The following PPM1H variants were observed in gnomAD, a reference collection of about 807,000 sequenced individuals.
PPM1H encodes the protein protein phosphatase, Mg2+/Mn2+ dependent 1H, also known as protein phosphatase 1H.
PPM1H carries 27 observed loss-of-function variants against 54.9 expected under a neutral mutation model. That is an observed-to-expected ratio of 0.49 (90% CI 0.36 to 0.68). The LOEUF (loss-of-function observed/expected upper bound fraction) is 0.68. Among genes scored for constraint, PPM1H ranks in the 30% least tolerant of loss-of-function variants. The probability of loss-of-function intolerance (pLI) is 0.00; values close to 1 mark genes in which losing one functional copy is unlikely to be tolerated. For synonymous variants in PPM1H, 305 were observed against 270.8 expected (o/e 1.13, Z -1.24); for missense variants, 596 against 667.8 (o/e 0.89, Z 1.19).
At chr12:62,674,683 G>A (rs1049278188) in intron 8 of PPM1H, among the ~76,000 whole-genome samples, 1 of 152,236 alleles carries the variant, frequency 6.6e-6, no homozygotes, top group African/African-American at 2.4e-5. Context: ...AAAGCTTACA[G>A]ACCATCTGCT....
At chr12:62,719,237 G>A (rs1286110871) in intron 6 of PPM1H, among the ~76,000 whole-genome samples, 4 of 152,180 alleles carry the variant, frequency 2.6e-5, no homozygotes, top group Non-Finnish European at 5.9e-5. Context: ...CATCACCATG[G>A]GAATTTGGGC....
At chr12:62,813,696 A>G (rs550019077) in intron 2 of PPM1H, among the ~76,000 whole-genome samples, 2 of 152,190 alleles carry the variant, frequency 1.3e-5, no homozygotes, top group Non-Finnish European at 2.9e-5. Flanking sequence ...TCTGACAATC[A>G]TCATCATCAT....
chr12:62,907,370 G>T (rs1871330847), intron 1 of PPM1H, among the ~76,000 whole-genome samples: 1 of 152,166 alleles, frequency 6.6e-6, no homozygotes, highest in South Asian at 2.1e-4. Flanking sequence ...GAGTTCTGCA[G>T]AAATGAGCAA....
At chr12:62,691,952 C>T (rs1362949850) in intron 7 of PPM1H, among the ~76,000 whole-genome samples, 1 of 152,194 alleles carries the variant, frequency 6.6e-6, no homozygotes, top group Non-Finnish European at 1.5e-5. Flanking sequence ...TCCTGCTCTC[C>T]TCCCTGAAAT....
At chr12:62,773,633 T>C (rs2076591688) in intron 4 of PPM1H, among the ~76,000 whole-genome samples, 2 of 152,204 alleles carry the variant, frequency 1.3e-5, no homozygotes, top group South Asian at 4.1e-4. Context: ...TCAACTCATT[T>C]CTTGAAGGGT....
intron 9 of PPM1H, among the ~76,000 whole-genome samples, chr12:62,660,321 C>T (rs2075876152): frequency 6.6e-6 from 1 of 152,014 alleles, no homozygotes; most frequent in Admixed American, 6.5e-5. Flanking sequence ...AGTTTGACAA[C>T]AGAAATAGAA....
Position 62,747,715 on chromosome 12 carries a change from C to T in PPM1H, c.870-10129G>A, listed in dbSNP as rs1047004322. ...CCCTCTCAAGGTAAAAACCTTTTGT[C>T]TTAAAACCAGACAAAATCCCAAAAT... On this transcript the variant is annotated intron_variant, in intron 4 of 9. Coordinates refer to ENST00000228705, the MANE Select transcript of PPM1H (RefSeq NM_020700.2). Among the ~76,000 whole-genome samples the T allele has an allele frequency of 4.6e-5, 7 of 152,328 alleles. No homozygotes were observed. In the South Asian group the frequency reaches 8.3e-4, roughly 18 times the overall value.
In PPM1H at chr12:62,646,904, A is replaced by AAAC. The variant is rs1388455412; in HGVS notation, c.*1582_*1584dup. 1 of 152,218 alleles carries AAAC rather than the reference A, an allele frequency of 6.6e-6. No homozygotes were observed. Among genetic ancestry groups the AAAC allele is most frequent in the Non-Finnish European group, 1.5e-5 (1 of 68,040 alleles). 9.4% of individuals were successfully genotyped at this position (152,218 alleles called of 1,614,324 possible). On this transcript the variant is annotated 3_prime_UTR_variant, in exon 10 of 10. Transcript: ENST00000228705. ...TATCCTCTCCTCTGGGAAGAAATTC[A>AAAC]AACAAATATGAGAACTGGAATTAGC... is the stretch of plus-strand genomic sequence containing the variant.
chr12:62,650,712 C>T (rs772565001), intron 9 of PPM1H, among the ~76,000 whole-genome samples: 6 of 151,856 alleles, frequency 4.0e-5, no homozygotes, highest in Middle Eastern at 3.4e-3. Context: ...TCTTACATGG[C>T]AGCGGGAGAC....
At chr12:62,915,386 G>A (rs1394750132) in intron 1 of PPM1H, among the ~76,000 whole-genome samples, 3 of 152,234 alleles carry the variant, frequency 2.0e-5, no homozygotes, top group African/African-American at 4.8e-5. Flanking sequence ...TGCTCCCTGC[G>A]TGGTTCAATC....
At chr12:62,828,420 C>T (rs1341726992) in intron 2 of PPM1H, among the ~76,000 whole-genome samples, 3 of 152,214 alleles carry the variant, frequency 2.0e-5, no homozygotes, top group Non-Finnish European at 2.9e-5. Context: ...TTGTCCAGAA[C>T]GATAAATGCT....
At chr12:62,900,414 ATT>A (rs1194988227) in intron 1 of PPM1H, among the ~76,000 whole-genome samples, 1 of 152,032 alleles carries the variant, frequency 6.6e-6, no homozygotes, top group Admixed American at 6.6e-5. Flanking sequence ...GAGGGATAGT[ATT>A]AGGAGATATA....
intron 5 of PPM1H, among the ~76,000 whole-genome samples, chr12:62,735,029 GTGAAACCCT>G: frequency 6.6e-6 from 1 of 152,104 alleles, no homozygotes; most frequent in Non-Finnish European, 1.5e-5. Context: ...GGACGACAGA[GTGAAACCCT>G]GTCTCAAAAC....
At chr12:62,753,065 T>C (rs934175303) in intron 4 of PPM1H, among the ~76,000 whole-genome samples, 4 of 152,198 alleles carry the variant, frequency 2.6e-5, no homozygotes, top group Non-Finnish European at 4.4e-5. Flanking sequence ...TTGTGAATAG[T>C]CATGTCTATA....
intron 4 of PPM1H, among the ~76,000 whole-genome samples, chr12:62,787,744 G>C (rs1269568396): frequency 1.3e-5 from 2 of 152,140 alleles, no homozygotes; most frequent in Non-Finnish European, 2.9e-5. Context: ...TGATCTCTTG[G>C]CTCAAATTTC....
chr12:62,675,997 C>A (rs2075983320), intron 8 of PPM1H, among the ~76,000 whole-genome samples: 1 of 152,214 alleles, frequency 6.6e-6, no homozygotes, highest in South Asian at 2.1e-4. Flanking sequence ...ATATCCTTAA[C>A]CCACCAGCCT....
intron 4 of PPM1H, among the ~76,000 whole-genome samples, chr12:62,749,918 T>TA (rs879863080): frequency 6.6e-6 from 1 of 152,244 alleles, no homozygotes; most frequent in Non-Finnish European, 1.5e-5. Flanking sequence ...CTCAGTGTCA[T>TA]ATTCAGCCAC....
intron 8 of PPM1H, among the ~76,000 whole-genome samples, chr12:62,670,803 G>A (rs781411036): frequency 6.6e-6 from 1 of 152,008 alleles, no homozygotes; most frequent in African/African-American, 2.4e-5. Flanking sequence ...TAAAAAGCTG[G>A]TCACAACCCT....
At chr12:62,677,641 C>T (rs1213457011) in intron 8 of PPM1H, among the ~76,000 whole-genome samples, 1 of 152,162 alleles carries the variant, frequency 6.6e-6, no homozygotes, top group Admixed American at 6.5e-5. Context: ...CTGCTCTGTG[C>T]CTGGCTCACT....
Sources: allele counts gnomAD v4.1 joint callset (sites outside exome capture counted in the v4.1 genomes callset), GRCh38; gene constraint gnomAD v4.1.1; transcripts MANE v1.5; gene names NCBI Gene and HGNC (gene_info 2026-07-23, HGNC 2026-07-21).